Variants in RBFOX1 observed in about 807,000 individuals in gnomAD.
The protein encoded by RBFOX1 is RNA binding protein fox-1 homolog 1.
RBFOX1 carries 8 observed loss-of-function variants against 57.7 expected under a neutral mutation model. That is an observed-to-expected ratio of 0.14 (90% CI 0.08 to 0.25). The LOEUF (loss-of-function observed/expected upper bound fraction) is 0.25, where lower values mean the gene tolerates loss of function less well. RBFOX1 is among the 10% of genes least tolerant of loss of function. RBFOX1 has a pLI of 1.00. For synonymous variants in RBFOX1, 326 were observed against 222.4 expected (o/e 1.47, Z -4.15); for missense variants, 611 against 548.5 (o/e 1.11, Z -1.14).
At chr16:7,036,649 T>G (rs1009808648) in intron 3 of RBFOX1, among the ~76,000 whole-genome samples, 1 of 151,062 alleles carries the variant, frequency 6.6e-6, no homozygotes, top group Non-Finnish European at 1.5e-5. Flanking sequence ...ACCGAAATCG[T>G]GCCACTGCAC....
intron 14 of RBFOX1, among the ~76,000 whole-genome samples, chr16:7,705,881 G>A (rs2082270995): frequency 6.6e-6 from 1 of 152,166 alleles, no homozygotes; most frequent in Non-Finnish European, 1.5e-5. Context: ...ACTGATGGAT[G>A]GGAAGTGGGC....
chr16:5,401,795 T>TCCTCC, intron 1 of RBFOX1, among the ~76,000 whole-genome samples: 1 of 113,292 alleles, frequency 8.8e-6, no homozygotes, highest in Non-Finnish European at 1.9e-5. Flanking sequence ...CCTCCTCCTC[T>TCCTCC]TTCTCCTCCT....
chr16:7,706,304 G>A lies in RBFOX1; in HGVS notation c.996-2752G>A, dbSNP rs191231197. On this transcript the variant is annotated intron_variant, in intron 14 of 15. Coordinates refer to ENST00000550418, the MANE Select transcript of RBFOX1 (RefSeq NM_018723.4). The stretch of plus-strand genomic sequence containing the variant: ...ATAAAACCATTGGATTCTGAAGGTA[G>A]AGGTCACCCTGAAGAGAAAAGGAGG... 8.3e-4 allele frequency among the ~76,000 whole-genome samples: 127 copies of A among 152,352 alleles called. 2 individuals carry two copies. The highest frequency in any genetic ancestry group is 3.3e-3 in the Admixed American group (50 of 15,306).
At chr16:7,355,902 C>T (rs916221595) in intron 4 of RBFOX1, among the ~76,000 whole-genome samples, 1 of 152,176 alleles carries the variant, frequency 6.6e-6, no homozygotes, top group African/African-American at 2.4e-5. Context: ...TGCTGACAGC[C>T]AAAGGCAATC....
intron 4 of RBFOX1, among the ~76,000 whole-genome samples, chr16:7,128,817 A>ATT: frequency 1.0e-5 from 1 of 95,326 alleles, no homozygotes; most frequent in African/African-American, 4.3e-5. Context: ...TTTTCTTTTT[A>ATT]CTTTTTTTTT....
At chr16:6,021,460 T>A (rs1038730388) in intron 1 of RBFOX1, among the ~76,000 whole-genome samples, 3 of 152,172 alleles carry the variant, frequency 2.0e-5, no homozygotes, top group Non-Finnish European at 4.4e-5. Context: ...TCTTTTATGT[T>A]CAGAAGCAAA....
intron 2 of RBFOX1, among the ~76,000 whole-genome samples, chr16:6,595,119 G>A (rs1468329316): frequency 3.3e-5 from 5 of 152,092 alleles, no homozygotes; most frequent in Non-Finnish European, 7.4e-5. Context: ...ACAGAGCTGG[G>A]CAATCATCAA....
At chr16:5,556,753 A>G (rs1175439299) in intron 2 of RBFOX1, among the ~76,000 whole-genome samples, 1 of 152,018 alleles carries the variant, frequency 6.6e-6, no homozygotes, top group Non-Finnish European at 1.5e-5. Context: ...GTCCCCATGG[A>G]AAGAAAGATG....
At chr16:6,491,261 G>A (rs2095626773) in intron 2 of RBFOX1, among the ~76,000 whole-genome samples, 2 of 151,586 alleles carry the variant, frequency 1.3e-5, no homozygotes, top group Admixed American at 6.6e-5. Context: ...AGAATGGGAA[G>A]TTGGATTTAA....
chr16:7,386,008 C>G (rs989787589), intron 4 of RBFOX1, among the ~76,000 whole-genome samples: 1 of 150,818 alleles, frequency 6.6e-6, no homozygotes, highest in African/African-American at 2.4e-5. Flanking sequence ...CCAGGCTGGT[C>G]TCGAACTCCT....
At chr16:6,379,364 T>G (rs75785124) in intron 2 of RBFOX1, among the ~76,000 whole-genome samples, 2,567 of 152,224 alleles carry the variant, frequency 0.017, 63 homozygotes, top group African/African-American at 0.057. Context: ...AGCCAGGATA[T>G]TCCTGCCTTA....
intron 4 of RBFOX1, among the ~76,000 whole-genome samples, chr16:7,252,677 AC>A (rs1258222021): frequency 6.7e-6 from 1 of 148,740 alleles, no homozygotes; most frequent in Non-Finnish European, 1.5e-5. Flanking sequence ...CCTAGACGTA[AC>A]CTTTTTCATT....
intron 3 of RBFOX1, among the ~76,000 whole-genome samples, chr16:5,753,883 A>T (rs902243445): frequency 6.6e-6 from 1 of 151,776 alleles, no homozygotes; most frequent in Non-Finnish European, 1.5e-5. Context: ...AAAATCAATG[A>T]TCTAAACCCT....
At chr16:7,238,498 C>T (rs1038438048) in intron 4 of RBFOX1, among the ~76,000 whole-genome samples, 4 of 149,958 alleles carry the variant, frequency 2.7e-5, no homozygotes, top group Admixed American at 1.3e-4. Context: ...AGTACTTTTT[C>T]CTAGGTTACT....
intron 3 of RBFOX1, among the ~76,000 whole-genome samples, chr16:7,025,027 G>T (rs1411249916): frequency 6.6e-6 from 1 of 152,158 alleles, no homozygotes; most frequent in African/African-American, 2.4e-5. Flanking sequence ...GACCCCAAGA[G>T]AGCGTTCTCA....
Position 6,431,882 on chromosome 16 carries a change from A to ATGCTTGCTTGCT in RBFOX1, c.-64+114831_-64+114842dup, listed in dbSNP as rs530288649. Among the ~76,000 whole-genome samples, 588 of 126,508 alleles carry ATGCTTGCTTGCT rather than the reference A, an allele frequency of 4.6e-3. 5 individuals carry two copies. Among genetic ancestry groups the ATGCTTGCTTGCT allele is most frequent in the African/African-American group, 8.2e-3 (287 of 35,022 alleles). 83.0% of individuals were successfully genotyped at this position (126,508 alleles called of 152,430 possible). A position where few individuals can be genotyped will look rare whatever the true frequency, so the allele number is the denominator to read the frequency against. ...TTTATTTATGAACATGTCCAGAAAT[A>ATGCTTGCTTGCT]TGCTTGCTTGCTTGCTTTCTTTCTT... On this transcript the variant is annotated intron_variant, in intron 2 of 15. Transcript: ENST00000550418.
At chr16:5,395,976 G>A (rs755519383) in intron 1 of RBFOX1, among the ~76,000 whole-genome samples, 12 of 152,176 alleles carry the variant, frequency 7.9e-5, no homozygotes, top group African/African-American at 1.9e-4. Context: ...TTAAGCCTGT[G>A]GGCTCAACAG....
chr16:6,248,582 G>T (rs1386931766), intron 1 of RBFOX1, among the ~76,000 whole-genome samples: 1 of 152,074 alleles, frequency 6.6e-6, no homozygotes, highest in Non-Finnish European at 1.5e-5. Context: ...TGCAAATTGG[G>T]GAGGGTTTTA....
At chr16:5,903,799 G>T (rs778628552) in intron 4 of RBFOX1, among the ~76,000 whole-genome samples, 3 of 152,146 alleles carry the variant, frequency 2.0e-5, no homozygotes, top group Non-Finnish European at 4.4e-5. Flanking sequence ...CCCCAGGAAG[G>T]ATGCATCCCC....
Sources: gnomAD v4.1 joint callset for allele counts (sites outside exome capture counted in the v4.1 genomes callset) on GRCh38, gnomAD v4.1.1 for gene constraint, MANE v1.5 for transcripts, NCBI Gene and HGNC (gene_info 2026-07-23, HGNC 2026-07-21) for gene names.